The following SLC9A9 variants were observed in gnomAD, a reference collection of about 807,000 sequenced individuals.
The protein encoded by SLC9A9 is sodium/hydrogen exchanger 9.
In SLC9A9, 62 loss-of-function variants were observed where a neutral mutation model predicts 77.8. The ratio of observed to expected loss-of-function variants is 0.80; its 90% CI spans 0.65 to 0.98. The LOEUF (loss-of-function observed/expected upper bound fraction) is 0.98. Among genes scored for constraint, SLC9A9 ranks in the 50% least tolerant of loss-of-function variants. SLC9A9 has a pLI of 0.00. For synonymous variants in SLC9A9, 320 were observed against 283.5 expected (o/e 1.13, Z -1.29); for missense variants, 775 against 774.9 (o/e 1.00, Z 0.00).
At chr3:143,378,393 A>T (rs901648773) in intron 13 of SLC9A9, among the ~76,000 whole-genome samples, 4 of 152,200 alleles carry the variant, frequency 2.6e-5, no homozygotes, top group Admixed American at 2.0e-4. Flanking sequence ...CTCTGTGTAC[A>T]ATTTCCTTAT....
At chr3:143,382,136 T>C (rs2033320079) in intron 12 of SLC9A9, 22 bp from the exon 13 acceptor site, 3 of 1,614,014 alleles carry the variant, frequency 1.9e-6, no homozygotes, top group African/African-American at 2.7e-5. Flanking sequence ...AACCAAAAAC[T>C]GGTCAATCCC....
chr3:143,533,277 G>C (rs1370867288), intron 9 of SLC9A9, among the ~76,000 whole-genome samples: 1 of 152,168 alleles, frequency 6.6e-6, no homozygotes, highest in African/African-American at 2.4e-5. Flanking sequence ...ACAAATACAC[G>C]AGCAGACCCA....
intron 9 of SLC9A9, chr3:143,518,199 C>G: frequency 6.3e-7 from 1 of 1,598,816 alleles, no homozygotes. Flanking sequence ...TTCACAAAGG[C>G]CCGAAGCTTG....
intron 6 of SLC9A9, among the ~76,000 whole-genome samples, chr3:143,589,103 A>T (rs2037606538): frequency 6.6e-6 from 1 of 152,216 alleles, no homozygotes; most frequent in Non-Finnish European, 1.5e-5. Context: ...ATAGAGAAGG[A>T]GGTCAAATTC....
rs1016636868 is a variant in SLC9A9 at position 143,733,627 on chromosome 3, C to T, written c.534-40320G>A. On this transcript the variant is annotated intron_variant, in intron 4 of 15. Coordinates refer to ENST00000316549, the MANE Select transcript of SLC9A9 (RefSeq NM_173653.4). ...GCCTGAGGCAACTTTTCCCATACAC[C>T]CTGGTGTGACTCCTGGTAGAGAGAC... Among the ~76,000 whole-genome samples, 3 of 152,012 alleles carry T rather than the reference C, an allele frequency of 2.0e-5. No homozygotes were observed. The East Asian group carries it at 5.8e-4, about 30-fold the overall frequency.
Position 143,767,412 on chromosome 3 carries a change from G to GTGTGTT in SLC9A9, c.533+27588_533+27589insAACACA, listed in dbSNP as rs1016883260. On this transcript the variant is annotated intron_variant, in intron 4 of 15. Transcript: ENST00000316549. The stretch of plus-strand genomic sequence containing the variant: ...TGTGTGTGTGTGTGTGTGTGTGTGT[G>GTGTGTT]TTTACAGAAAATTAACTTCAAGGGC... 4.6e-5 allele frequency among the ~76,000 whole-genome samples: 7 copies of GTGTGTT among 151,226 alleles called. 1 individual carries two copies. Among genetic ancestry groups the GTGTGTT allele is most frequent in the African/African-American group, 1.7e-4 (7 of 41,076 alleles).
At chr3:143,603,136 T>C (rs1266896132) in intron 6 of SLC9A9, among the ~76,000 whole-genome samples, 1 of 152,254 alleles carries the variant, frequency 6.6e-6, no homozygotes. Flanking sequence ...ATTGGAATTA[T>C]ATACATTTCT....
At chr3:143,473,869 A>G (rs1027031362) in intron 11 of SLC9A9, among the ~76,000 whole-genome samples, 2 of 152,212 alleles carry the variant, frequency 1.3e-5, no homozygotes, top group African/African-American at 4.8e-5. Flanking sequence ...TGATATTCAT[A>G]TATTCATTCA....
intron 14 of SLC9A9, among the ~76,000 whole-genome samples, chr3:143,275,125 C>T (rs1234607191): frequency 1.3e-5 from 2 of 152,054 alleles, no homozygotes; most frequent in South Asian, 2.1e-4. Flanking sequence ...GATAATAGTT[C>T]GTGCCTATTT....
chr3:143,323,571 G>T (rs75560728), intron 14 of SLC9A9, among the ~76,000 whole-genome samples: 3,705 of 152,202 alleles, frequency 0.024, 139 homozygotes, highest in African/African-American at 0.084. Flanking sequence ...ACTGGGAAGG[G>T]TGAGTGTGGG....
At chr3:143,378,332 C>A (rs1054038998) in intron 13 of SLC9A9, among the ~76,000 whole-genome samples, 2 of 152,172 alleles carry the variant, frequency 1.3e-5, no homozygotes, top group African/African-American at 4.8e-5. Context: ...ACCAAACTGT[C>A]TGGGTTCAAA....
intron 12 of SLC9A9, among the ~76,000 whole-genome samples, chr3:143,449,037 A>AAAATATAATTATATTATATAATTATAT (rs1283139433): frequency 4.8e-5 from 1 of 20,666 alleles, no homozygotes; most frequent in Non-Finnish European, 6.2e-5. Flanking sequence ...ATAATTATAT[A>AAAATATAATTATATTATATAATTATAT]AAATATAATT....
intron 2 of SLC9A9, among the ~76,000 whole-genome samples, chr3:143,823,592 T>C (rs1293589084): frequency 1.3e-5 from 2 of 152,102 alleles, no homozygotes; most frequent in Non-Finnish European, 2.9e-5. Context: ...ATTGCATGCC[T>C]GTATCAAAAC....
At chr3:143,593,231 A>T (rs1422689445) in intron 6 of SLC9A9, among the ~76,000 whole-genome samples, 1 of 152,218 alleles carries the variant, frequency 6.6e-6, no homozygotes, top group Non-Finnish European at 1.5e-5. Flanking sequence ...CACAGGTGGC[A>T]GAGAGTGAGG....
chr3:143,640,922 TAAAG>T (rs771200966), intron 6 of SLC9A9, among the ~76,000 whole-genome samples: 15 of 152,070 alleles, frequency 9.9e-5, no homozygotes, highest in Non-Finnish European at 2.1e-4. Flanking sequence ...TCTGTGCACA[TAAAG>T]AAAGATTTTT....
At chr3:143,350,218 A>G (rs1388463223) in intron 14 of SLC9A9, among the ~76,000 whole-genome samples, 1 of 152,146 alleles carries the variant, frequency 6.6e-6, no homozygotes, top group Non-Finnish European at 1.5e-5. Context: ...GGTACCCCCA[A>G]TAATGCGGCA....
intron 14 of SLC9A9, among the ~76,000 whole-genome samples, chr3:143,338,516 C>T (rs1026969348): frequency 3.9e-5 from 6 of 152,130 alleles, no homozygotes; most frequent in Admixed American, 3.9e-4. Context: ...TTAAATCATT[C>T]CCAACCAAAA....
intron 2 of SLC9A9, among the ~76,000 whole-genome samples, chr3:143,820,778 A>G (rs1377749459): frequency 2.0e-5 from 3 of 151,794 alleles, no homozygotes; most frequent in Admixed American, 1.3e-4. Flanking sequence ...ATCAACAATG[A>G]TTTCTTTCTT....
chr3:143,558,881 G>A (rs1014710134), intron 8 of SLC9A9, among the ~76,000 whole-genome samples: 1 of 152,100 alleles, frequency 6.6e-6, no homozygotes, highest in African/African-American at 2.4e-5. Context: ...GAATGTTATA[G>A]TTTGGCTGTG....
Sources: allele counts gnomAD v4.1 joint callset (sites outside exome capture counted in the v4.1 genomes callset), GRCh38; gene constraint gnomAD v4.1.1; transcripts MANE v1.5; gene names NCBI Gene and HGNC (gene_info 2026-07-23, HGNC 2026-07-21).